Variants in AFG2A observed in about 807,000 individuals in gnomAD.
AFG2A encodes ATPase family gene 2 protein homolog A.
At chr4:122,995,601 A>G in the AFG2A span, among the ~76,000 whole-genome samples, 1 of 152,208 alleles carries the variant, frequency 6.6e-6, no homozygotes, top group South Asian at 2.1e-4. Flanking sequence ...TGGGAGAGAT[A>G]GCAAAAGTTA....
chr4:122,986,625 A>T, the AFG2A span, among the ~76,000 whole-genome samples: 3 of 152,130 alleles, frequency 2.0e-5, no homozygotes, highest in Non-Finnish European at 4.4e-5. Context: ...GGGATAAAAG[A>T]CTACAAATAA....
At chr4:123,146,319 T>C in the AFG2A span, among the ~76,000 whole-genome samples, 6 of 152,094 alleles carry the variant, frequency 3.9e-5, no homozygotes, top group Admixed American at 3.9e-4. Flanking sequence ...GGGTATAGTT[T>C]TATAGCCACA....
the AFG2A span, among the ~76,000 whole-genome samples, chr4:123,135,747 A>G: frequency 6.6e-6 from 1 of 152,204 alleles, no homozygotes; most frequent in African/African-American, 2.4e-5. Context: ...ATACTATGCC[A>G]TTTTATATAA....
the AFG2A span, among the ~76,000 whole-genome samples, chr4:123,141,373 G>C: frequency 6.6e-6 from 1 of 152,194 alleles, no homozygotes; most frequent in Non-Finnish European, 1.5e-5. Context: ...TGAGGCAGAA[G>C]AATCGCTTGA....
the AFG2A span, among the ~76,000 whole-genome samples, chr4:123,014,644 A>G: frequency 2.0e-5 from 3 of 152,200 alleles, no homozygotes; most frequent in Non-Finnish European, 2.9e-5. Flanking sequence ...TATAACCATT[A>G]AACTGATTAT....
the AFG2A span, among the ~76,000 whole-genome samples, chr4:122,955,975 G>A: frequency 0.041 from 6,249 of 152,194 alleles, 415 homozygotes; most frequent in African/African-American, 0.14. Flanking sequence ...TGCATAAGGT[G>A]GTAATGAAGA....
chr4:123,055,197 A>G, the AFG2A span, among the ~76,000 whole-genome samples: 255 of 152,300 alleles, frequency 1.7e-3, 1 homozygote, highest in African/African-American at 5.8e-3. Flanking sequence ...CAGCGTAAAG[A>G]CCTTAAGAGC....
At chr4:123,081,317 A>G in the AFG2A span, among the ~76,000 whole-genome samples, 1 of 152,168 alleles carries the variant, frequency 6.6e-6, no homozygotes, top group Non-Finnish European at 1.5e-5. Flanking sequence ...TTTACAGTCT[A>G]CGTAGTTTTG....
At chr4:123,069,332 C>T in the AFG2A span, among the ~76,000 whole-genome samples, 5 of 152,052 alleles carry the variant, frequency 3.3e-5, no homozygotes, top group South Asian at 2.1e-4. Context: ...TCTTTTTTTG[C>T]GTAAACAAGC....
At chr4:123,245,986 T>TG in the AFG2A span, among the ~76,000 whole-genome samples, 1 of 145,160 alleles carries the variant, frequency 6.9e-6, no homozygotes, top group Non-Finnish European at 1.5e-5. Context: ...TTCAGCTTTA[T>TG]GGGGAAGTGA....
At chr4:123,013,422 T>TTTTTA in the AFG2A span, among the ~76,000 whole-genome samples, 1 of 152,210 alleles carries the variant, frequency 6.6e-6, no homozygotes, top group Non-Finnish European at 1.5e-5. Flanking sequence ...TTTTTCTTTA[T>TTTTTA]TTTTATTTTA....
At chr4:122,981,313 G>C in the AFG2A span, among the ~76,000 whole-genome samples, 1 of 151,882 alleles carries the variant, frequency 6.6e-6, no homozygotes, top group Non-Finnish European at 1.5e-5. Flanking sequence ...CGGTACCTTT[G>C]CAGATCAATT....
the AFG2A span, among the ~76,000 whole-genome samples, chr4:123,183,927 CTTAT>C: frequency 0.092 from 11,535 of 125,688 alleles, 1,444 homozygotes; most frequent in African/African-American, 0.29. Flanking sequence ...GCCCAGCTTG[CTTAT>C]TTATTCATTC....
At chr4:122,968,882 C>CTT in the AFG2A span, among the ~76,000 whole-genome samples, 1 of 151,934 alleles carries the variant, frequency 6.6e-6, no homozygotes, top group Admixed American at 6.6e-5. Flanking sequence ...AGTCTGAGTA[C>CTT]TTTTTATATT....
the AFG2A span, among the ~76,000 whole-genome samples, chr4:122,945,538 G>A: frequency 6.6e-6 from 1 of 152,204 alleles, no homozygotes; most frequent in Non-Finnish European, 1.5e-5. Flanking sequence ...TATTCCAGGT[G>A]CTGTCTGTCA....
chr4:123,082,570 C>T, the AFG2A span, among the ~76,000 whole-genome samples: 1 of 147,836 alleles, frequency 6.8e-6, no homozygotes, highest in Non-Finnish European at 1.5e-5. Flanking sequence ...ATTACTGTCG[C>T]TTTATAGGAA....
the AFG2A span, among the ~76,000 whole-genome samples, chr4:123,188,294 AT>A: frequency 2.0e-5 from 3 of 152,286 alleles, no homozygotes; most frequent in African/African-American, 7.2e-5. Flanking sequence ...TTTCATTATA[AT>A]ATTAAAACTA....
chr4:123,182,160 T>C, the AFG2A span, among the ~76,000 whole-genome samples: 3 of 152,224 alleles, frequency 2.0e-5, no homozygotes, highest in Non-Finnish European at 2.9e-5. Context: ...GATACCGTTA[T>C]AAAGCACAAA....
the AFG2A span, among the ~76,000 whole-genome samples, chr4:123,217,952 TATCAG>T: frequency 1.3e-5 from 2 of 152,330 alleles, no homozygotes; most frequent in South Asian, 4.1e-4. Context: ...TCTGAGCTGA[TATCAG>T]ACTCCCTCTT....
Sources: gnomAD v4.1 joint callset for allele counts (sites outside exome capture counted in the v4.1 genomes callset) on GRCh38, gnomAD v4.1.1 for gene constraint, MANE v1.5 for transcripts, NCBI Gene and HGNC (gene_info 2026-07-23, HGNC 2026-07-21) for gene names.